CELF2: variants seen among roughly 807,000 people sequenced by gnomAD.
CELF2 encodes CUGBP Elav-like family member 2, also known as CUG triplet repeat RNA-binding protein 2.
Under a neutral mutation model 62.6 loss-of-function variants are expected in CELF2, and 8 were observed. The ratio of observed to expected loss-of-function variants is 0.13; its 90% CI spans 0.07 to 0.23. The LOEUF (loss-of-function observed/expected upper bound fraction) is 0.23. Ranked by LOEUF, CELF2 falls within the 10% of genes least tolerant of loss-of-function variation. The pLI, the probability that CELF2 is intolerant of heterozygous loss-of-function variation, is 1.00. For synonymous variants in CELF2, 258 were observed against 250.0 expected (o/e 1.03, Z -0.30); for missense variants, 333 against 671.0 (o/e 0.50, Z 5.56).
At chr10:10,967,164 G>A (rs1291898) in intron 2 of CELF2, among the ~76,000 whole-genome samples, 49,521 of 152,082 alleles carry the variant, frequency 0.33, 12,371 homozygotes, top group African/African-American at 0.7. Context: ...CCTACAGAAC[G>A]TGGGAGGGAG....
chr10:10,954,386 C>T (rs1217283297), intron 2 of CELF2, among the ~76,000 whole-genome samples: 1 of 152,012 alleles, frequency 6.6e-6, no homozygotes, highest in Non-Finnish European at 1.5e-5. Context: ...GCTGGAATTA[C>T]AGGCGCATGC....
At chr10:10,877,673 C>G (rs74678758) in intron 1 of CELF2, among the ~76,000 whole-genome samples, 4,253 of 152,300 alleles carry the variant, frequency 0.028, 149 homozygotes, top group East Asian at 0.19. Flanking sequence ...AAGATTTTCT[C>G]AGCAACCTGA....
intron 1 of CELF2, among the ~76,000 whole-genome samples, chr10:11,139,068 T>A (rs910358029): frequency 6.6e-6 from 1 of 152,262 alleles, no homozygotes; most frequent in Non-Finnish European, 1.5e-5. Flanking sequence ...GCTCAATTAC[T>A]TAAGTCATGA....
chr10:10,902,955 G>A (rs2063052088), intron 1 of CELF2, among the ~76,000 whole-genome samples: 1 of 139,462 alleles, frequency 7.2e-6, no homozygotes, highest in African/African-American at 2.6e-5. Flanking sequence ...GGGAGGGAGG[G>A]AGGGAAGATA....
intron 1 of CELF2, among the ~76,000 whole-genome samples, chr10:11,086,779 G>T (rs1029825020): frequency 3.9e-5 from 6 of 151,942 alleles, no homozygotes; most frequent in Non-Finnish European, 8.8e-5. Flanking sequence ...ATAATGGATG[G>T]GTAATAGCTT....
chr10:10,889,092 A>G (rs1275069834), intron 1 of CELF2, among the ~76,000 whole-genome samples: 1 of 152,222 alleles, frequency 6.6e-6, no homozygotes, highest in Non-Finnish European at 1.5e-5. Flanking sequence ...CTCTTAATGT[A>G]AAACCTTCTG....
the CELF2 span, among the ~76,000 whole-genome samples, chr10:10,614,000 T>C: frequency 6.6e-5 from 10 of 152,160 alleles, no homozygotes; most frequent in Admixed American, 5.2e-4. Context: ...TTATTTGGAC[T>C]AGCAAGTGTA....
intron 2 of CELF2, among the ~76,000 whole-genome samples, chr10:10,925,510 A>G (rs1295629843): frequency 6.6e-6 from 1 of 152,112 alleles, no homozygotes; most frequent in Non-Finnish European, 1.5e-5. Context: ...GTTCAGTGGC[A>G]TGAAGAAGGT....
chr10:10,578,331 G>A, the CELF2 span, among the ~76,000 whole-genome samples: 1 of 152,022 alleles, frequency 6.6e-6, no homozygotes, highest in Non-Finnish European at 1.5e-5. Flanking sequence ...CTCTGATGGT[G>A]GTTTCTTTTG....
At chr10:10,836,633 C>CTTATT (rs980314913) in intron 1 of CELF2, among the ~76,000 whole-genome samples, 1 of 152,032 alleles carries the variant, frequency 6.6e-6, no homozygotes, top group African/African-American at 2.4e-5. Context: ...AAAATCTAGC[C>CTTATT]TTATTTTATT....
chr10:10,641,599 T>C, the CELF2 span, among the ~76,000 whole-genome samples: 1 of 151,880 alleles, frequency 6.6e-6, no homozygotes, highest in African/African-American at 2.4e-5. Flanking sequence ...CGCCACCACA[T>C]CCAGCTAATT....
At position 11,332,678 on chromosome 10, in the gene CELF2, CCT is replaced by C; in HGVS notation, c.*3626_*3627del. ...TCAGCTCCCCTTCCCCGCTCAGCAC[CCT>C]GTTAGGATCAGTGTGTGTGGATGGG... On this transcript the variant is annotated 3_prime_UTR_variant, in exon 13 of 13. Transcript: ENST00000633077. 6.6e-6 allele frequency: 1 copy of C among 151,052 alleles called. No individual in the cohort carries two copies. The highest frequency in any genetic ancestry group is 2.1e-4 in the South Asian group (1 of 4,816). The allele number at this position is 151,052 out of a possible 1,614,324, so 9.4% of individuals were successfully genotyped here.
intron 2 of CELF2, among the ~76,000 whole-genome samples, chr10:11,204,634 G>A (rs969898838): frequency 3.3e-5 from 5 of 152,200 alleles, no homozygotes; most frequent in South Asian, 2.1e-4. Context: ...GCACGGCAGC[G>A]GAACCACAGT....
chr10:10,613,447 A>T, the CELF2 span, among the ~76,000 whole-genome samples: 4 of 152,228 alleles, frequency 2.6e-5, no homozygotes, highest in Admixed American at 1.3e-4. Context: ...TGGCATGCGG[A>T]ATCAATGTGG....
the CELF2 span, among the ~76,000 whole-genome samples, chr10:10,688,608 G>A: frequency 6.6e-6 from 1 of 152,112 alleles, no homozygotes; most frequent in African/African-American, 2.4e-5. Context: ...GTTATTCCTG[G>A]CACCTTTATA....
At chr10:11,043,748 C>G (rs74824593) in intron 1 of CELF2, among the ~76,000 whole-genome samples, 1 of 152,154 alleles carries the variant, frequency 6.6e-6, no homozygotes, top group East Asian at 1.9e-4. Flanking sequence ...TGCTTTCTTA[C>G]GCCCCAGACC....
intron 2 of CELF2, among the ~76,000 whole-genome samples, chr10:10,981,950 C>CTTTTTTTTTTTT (rs34134637): frequency 1.6e-5 from 2 of 125,358 alleles, no homozygotes; most frequent in African/African-American, 3.2e-5. Flanking sequence ...CTTCCTTTTC[C>CTTTTTTTTTTTT]TTTTTTTTTT....
intron 1 of CELF2, among the ~76,000 whole-genome samples, chr10:10,867,306 T>A (rs2060452517): frequency 6.6e-6 from 1 of 152,222 alleles, no homozygotes; most frequent in South Asian, 2.1e-4. Flanking sequence ...ATATACAGTC[T>A]CACCCTCCAT....
intron 1 of CELF2, among the ~76,000 whole-genome samples, chr10:10,812,001 G>A (rs1365157608): frequency 1.3e-5 from 2 of 152,094 alleles, no homozygotes; most frequent in Non-Finnish European, 2.9e-5. Context: ...ATCCTATGCT[G>A]TCCAGTCCAC....
Sources: gnomAD v4.1 joint callset for allele counts (sites outside exome capture counted in the v4.1 genomes callset) on GRCh38, gnomAD v4.1.1 for gene constraint, MANE v1.5 for transcripts, NCBI Gene and HGNC (gene_info 2026-07-23, HGNC 2026-07-21) for gene names.